KSR2: variants seen among roughly 807,000 people sequenced by gnomAD.
KSR2 encodes kinase suppressor of ras 2.
KSR2 carries 25 observed loss-of-function variants against 107.8 expected under a neutral mutation model. That is an observed-to-expected ratio of 0.23 (90% CI 0.17 to 0.32). The LOEUF is 0.32. Among genes scored for constraint, KSR2 ranks in the 10% least tolerant of loss-of-function variants. The probability of loss-of-function intolerance (pLI) is 1.00; values close to 1 mark genes in which losing one functional copy is unlikely to be tolerated. For missense variants in KSR2, 887 were observed against 1,268.9 expected, an observed-to-expected ratio of 0.70 and a Z score of 4.57; for synonymous variants, 480 against 507.0, an observed-to-expected ratio of 0.95 and a Z score of 0.71.
At chr12:117,655,315 T>G (rs1354600561) in intron 5 of KSR2, among the ~76,000 whole-genome samples, 1 of 152,206 alleles carries the variant, frequency 6.6e-6, no homozygotes, top group Non-Finnish European at 1.5e-5. Context: ...CATGGGCTCA[T>G]GCTCATGGAA....
At chr12:117,535,003 T>C (rs1264120730) in intron 10 of KSR2, among the ~76,000 whole-genome samples, 2 of 152,116 alleles carry the variant, frequency 1.3e-5, no homozygotes, top group Non-Finnish European at 2.9e-5. Context: ...TCTAGAACCA[T>C]AAGATAATAA....
chr12:117,730,029 T>C (rs1020777645), intron 4 of KSR2, among the ~76,000 whole-genome samples: 3 of 152,228 alleles, frequency 2.0e-5, no homozygotes, highest in African/African-American at 7.2e-5. Flanking sequence ...TGGTAAATAT[T>C]GTAGGCTCTG....
At chr12:117,562,498 C>T (rs1210149670) in intron 7 of KSR2, among the ~76,000 whole-genome samples, 1 of 152,120 alleles carries the variant, frequency 6.6e-6, no homozygotes, top group African/African-American at 2.4e-5. Context: ...TCCTTTCTAA[C>T]ACCCCCACCT....
At chr12:117,926,241 T>C (rs74467927) in intron 1 of KSR2, among the ~76,000 whole-genome samples, 17,978 of 152,012 alleles carry the variant, frequency 0.12, 1,192 homozygotes, top group East Asian at 0.2. Flanking sequence ...AAAACCCAGC[T>C]CTCTCCCCAT....
At chr12:117,631,533 A>G (rs1882807543) in intron 5 of KSR2, among the ~76,000 whole-genome samples, 1 of 152,160 alleles carries the variant, frequency 6.6e-6, no homozygotes, top group Non-Finnish European at 1.5e-5. Context: ...TCCATCAGAG[A>G]AACAATCTTG....
In KSR2 at chr12:117,530,937, T is replaced by C; in HGVS notation, c.1802+4A>G. 1 of 1,613,550 alleles carries C rather than the reference T, an allele frequency of 6.2e-7. No homozygotes were observed. The highest frequency in any genetic ancestry group is 8.5e-7 in the Non-Finnish European group (1 of 1,179,570). On this transcript the variant is annotated splice_donor_region_variant and intron_variant, in intron 12 of 19. Transcript: ENST00000339824. ...AAGGGGGAAGATGTCTCTGTCTCAC[T>C]TACATTGGATTCGAGGTCACCGGAT...
At chr12:117,480,022 A>ACG (rs1555208015) in intron 16 of KSR2, among the ~76,000 whole-genome samples, 3 of 142,072 alleles carry the variant, frequency 2.1e-5, no homozygotes, top group Non-Finnish European at 4.5e-5. Flanking sequence ...ATCATTACAC[A>ACG]TGTGTATGTG....
intron 12 of KSR2, among the ~76,000 whole-genome samples, 189 bp from the exon 13 acceptor site, chr12:117,527,308 C>CACAG (rs1875252279): frequency 7.3e-6 from 1 of 137,558 alleles, no homozygotes; most frequent in African/African-American, 3.2e-5. Context: ...CACAGACACA[C>CACAG]ACACACACAC....
chr12:117,476,287 G>T (rs573017637), intron 17 of KSR2, among the ~76,000 whole-genome samples, 177 bp downstream of exon 17: 1 of 152,336 alleles, frequency 6.6e-6, no homozygotes, highest in Non-Finnish European at 1.5e-5. Context: ...ACACACGTTT[G>T]TTAGGGTCAT....
intron 5 of KSR2, among the ~76,000 whole-genome samples, chr12:117,612,739 T>C (rs531197567): frequency 6.6e-6 from 1 of 152,310 alleles, no homozygotes; most frequent in African/African-American, 2.4e-5. Context: ...TGGCTCTGTG[T>C]CCCCACCCAA....
intron 5 of KSR2, among the ~76,000 whole-genome samples, chr12:117,657,512 G>C (rs894777625): frequency 2.0e-5 from 3 of 152,200 alleles, no homozygotes; most frequent in Non-Finnish European, 2.9e-5. Context: ...CAGTGATAAA[G>C]AGCTGCTTAT....
intron 5 of KSR2, among the ~76,000 whole-genome samples, chr12:117,645,065 G>A (rs546045590): frequency 7.2e-5 from 11 of 152,182 alleles, no homozygotes; most frequent in Non-Finnish European, 1.6e-4. Context: ...ACATGTATGT[G>A]TTTCCATCCA....
chr12:117,792,395 AC>A (rs1217106067), intron 3 of KSR2, among the ~76,000 whole-genome samples: 1 of 152,092 alleles, frequency 6.6e-6, no homozygotes, highest in Non-Finnish European at 1.5e-5. Context: ...CTGGAGTCAG[AC>A]AGACCTGCTT....
At chr12:117,880,223 G>T in intron 1 of KSR2, among the ~76,000 whole-genome samples, 1 of 152,222 alleles carries the variant, frequency 6.6e-6, no homozygotes, top group East Asian at 1.9e-4. Flanking sequence ...TAAATAGAAT[G>T]AATTTTTGCT....
rs142429783 is a variant in KSR2, at chr12:117,737,523, C to T, written c.986+23488G>A. On this transcript the variant is annotated intron_variant, in intron 4 of 19. Coordinates refer to ENST00000339824, the MANE Select transcript of KSR2 (RefSeq NM_173598.6). Reference sequence around the variant, plus strand: ...TGAGGCCAGGTGCGGTGGCTCGTGCCTGTAATCCCACCACTTTGGGAGGCC... The same window carrying T: ...TGAGGCCAGGTGCGGTGGCTCGTGCTTGTAATCCCACCACTTTGGGAGGCC... Among the ~76,000 whole-genome samples the T allele has an allele frequency of 9.3e-4, 141 of 152,228 alleles. 1 individual carries two copies. In the East Asian group the frequency reaches 0.01, roughly 11 times the overall value.
At chr12:117,535,890 A>G (rs1361341197) in intron 10 of KSR2, among the ~76,000 whole-genome samples, 1 of 152,046 alleles carries the variant, frequency 6.6e-6, no homozygotes, top group Admixed American at 6.6e-5. Flanking sequence ...CACAGCTAGC[A>G]AGGAGCAAAG....
At chr12:117,483,962 G>A (rs894886234) in intron 16 of KSR2, among the ~76,000 whole-genome samples, 12 of 152,190 alleles carry the variant, frequency 7.9e-5, no homozygotes, top group Non-Finnish European at 1.3e-4. Flanking sequence ...GATTAAAGTC[G>A]CATTTAATAA....
intron 14 of KSR2, among the ~76,000 whole-genome samples, chr12:117,516,184 A>G (rs1190743351): frequency 1.3e-5 from 2 of 152,090 alleles, no homozygotes; most frequent in Non-Finnish European, 2.9e-5. Flanking sequence ...CAGCTTCAGA[A>G]GAAGTCCATG....
At chr12:117,487,215 C>G (rs1872512489) in intron 14 of KSR2, among the ~76,000 whole-genome samples, 2 of 152,216 alleles carry the variant, frequency 1.3e-5, no homozygotes, top group Admixed American at 6.5e-5. Flanking sequence ...CACACATACA[C>G]TTGTACAAAT....
Sources: gnomAD v4.1 joint callset for allele counts (sites outside exome capture counted in the v4.1 genomes callset) on GRCh38, gnomAD v4.1.1 for gene constraint, MANE v1.5 for transcripts, NCBI Gene and HGNC (gene_info 2026-07-23, HGNC 2026-07-21) for gene names.